GOLIM4: variants seen among roughly 807,000 people sequenced by gnomAD.
GOLIM4 encodes the protein golgi integral membrane protein 4, also known as 130 kDa golgi-localized phosphoprotein.
In GOLIM4, 71 loss-of-function variants were observed where a neutral mutation model predicts 107.4. That is an observed-to-expected ratio of 0.66 (90% CI 0.55 to 0.81). The LOEUF (loss-of-function observed/expected upper bound fraction) is 0.81. GOLIM4 is among the 30% of genes least tolerant of loss of function. The probability of loss-of-function intolerance (pLI) is 0.00; values close to 1 mark genes in which losing one functional copy is unlikely to be tolerated. For missense variants in GOLIM4, 830 were observed against 826.1 expected (o/e 1.00, Z -0.06); for synonymous variants, 327 against 294.8 (o/e 1.11, Z -1.12).
intron 14 of GOLIM4, among the ~76,000 whole-genome samples, chr3:168,014,216 C>T (rs1248593507): frequency 9.3e-5 from 14 of 150,746 alleles, no homozygotes; most frequent in South Asian, 4.2e-4. Context: ...ATATCACCAC[C>T]GATCCCACAG....
chr3:168,027,059 T>C (rs1718030222), intron 12 of GOLIM4, among the ~76,000 whole-genome samples: 1 of 152,230 alleles, frequency 6.6e-6, no homozygotes, highest in South Asian at 2.1e-4. Flanking sequence ...AAACATTTGC[T>C]TGCTTCACTT....
chr3:168,093,813 A>C (rs1722024359), intron 1 of GOLIM4, among the ~76,000 whole-genome samples: 1 of 152,180 alleles, frequency 6.6e-6, no homozygotes, highest in East Asian at 1.9e-4. Context: ...TCTTTCTTCT[A>C]AGTTGGGAAG....
At chr3:168,036,694 C>A (rs1027765882) in intron 8 of GOLIM4, 142 bp downstream of exon 8, 1 of 613,400 alleles carries the variant, frequency 1.6e-6, no homozygotes, top group Non-Finnish European at 2.9e-6. Context: ...TGTTTTATCA[C>A]GCCCTACTGG....
In GOLIM4 at chr3:168,032,867, T is replaced by A. The variant is rs755681883; in HGVS notation, c.844-15A>T. ...TTTCGAGACACCTAGGCCAAGCACATCACTGGGAATGACACTCTTCCAATT... is the reference window on the plus strand; with the variant it reads ...TTTCGAGACACCTAGGCCAAGCACAACACTGGGAATGACACTCTTCCAATT... On this transcript the variant is annotated splice_polypyrimidine_tract_variant and intron_variant, in intron 8 of 15. Transcript: ENST00000470487. The A allele has an allele frequency of 3.8e-6, 6 of 1,573,438 alleles. No homozygotes were observed. The African/African-American group carries it at 6.8e-5, about 18-fold the overall frequency.
rs537441953 is a variant in GOLIM4 at position 168,073,128 on chromosome 3, A to G, written c.187+21971T>C. On this transcript the variant is annotated intron_variant, in intron 1 of 15. Transcript: ENST00000470487. ...ATAATAACTGCACTAACCCTAAAATATCAAGAAGGCATTCTACTGTGTAGC... is the reference window on the plus strand; with the variant it reads ...ATAATAACTGCACTAACCCTAAAATGTCAAGAAGGCATTCTACTGTGTAGC... 2.6e-5 allele frequency among the ~76,000 whole-genome samples: 4 copies of G among 152,344 alleles called. No individual in the cohort carries two copies. The South Asian group carries it at 8.3e-4, about 32-fold the overall frequency.
chr3:168,023,143 A>G (rs1717806882), intron 14 of GOLIM4, among the ~76,000 whole-genome samples: 1 of 152,202 alleles, frequency 6.6e-6, no homozygotes, highest in African/African-American at 2.4e-5. Flanking sequence ...AAAAGAAGCC[A>G]AGGTGAACTT....
At chr3:168,015,338 G>T (rs1717301545) in intron 14 of GOLIM4, among the ~76,000 whole-genome samples, 1 of 148,566 alleles carries the variant, frequency 6.7e-6, no homozygotes. Flanking sequence ...TACAAGGGAT[G>T]TGAAGGACCT....
intron 12 of GOLIM4, among the ~76,000 whole-genome samples, chr3:168,027,056 T>C (rs1429113647): frequency 6.6e-6 from 1 of 152,240 alleles, no homozygotes; most frequent in South Asian, 2.1e-4. Context: ...ACTAAACATT[T>C]GCTTGCTTCA....
intron 1 of GOLIM4, among the ~76,000 whole-genome samples, chr3:168,084,808 T>C (rs1371438704): frequency 6.6e-6 from 1 of 152,152 alleles, no homozygotes; most frequent in African/African-American, 2.4e-5. Context: ...ACATAGAATT[T>C]TGGAATTTAA....
intron 1 of GOLIM4, among the ~76,000 whole-genome samples, chr3:168,072,095 AC>A (rs1720862984): frequency 1.3e-5 from 2 of 152,188 alleles, no homozygotes; most frequent in African/African-American, 4.8e-5. Context: ...AACGTGGATC[AC>A]GCCCCAAATT....
chr3:168,033,383 A>G (rs946495548), intron 8 of GOLIM4, among the ~76,000 whole-genome samples: 2 of 151,992 alleles, frequency 1.3e-5, no homozygotes, highest in Non-Finnish European at 2.9e-5. Flanking sequence ...AGGCGGGTGG[A>G]TCACGAGGTC....
At chr3:168,075,088 C>G (rs1467963125) in intron 1 of GOLIM4, among the ~76,000 whole-genome samples, 1 of 151,658 alleles carries the variant, frequency 6.6e-6, no homozygotes, top group Non-Finnish European at 1.5e-5. Context: ...TTGATGCCAA[C>G]CAGACTGTTA....
In GOLIM4 at chr3:168,023,594, A is replaced by T. The variant is rs140069342; in HGVS notation, c.1860+932T>A. On this transcript the variant is annotated intron_variant, in intron 14 of 15. Transcript: ENST00000470487. ...ATGGGGTGTGTCTGTTCAGTCTGCC[A>T]TATGTCCATCCTCCCATGGGGTTCC... Among the ~76,000 whole-genome samples the T allele has an allele frequency of 1.4e-3, 220 of 152,342 alleles. No homozygotes were observed. In the East Asian group the frequency reaches 0.018, roughly 12 times the overall value.
intron 1 of GOLIM4, among the ~76,000 whole-genome samples, chr3:168,055,167 G>A (rs1433357035): frequency 2.0e-5 from 3 of 152,096 alleles, no homozygotes; most frequent in African/African-American, 7.2e-5. Flanking sequence ...CAAAAATGTA[G>A]AAATGACTTT....
chr3:168,068,913 C>T (rs1055494640), intron 1 of GOLIM4, among the ~76,000 whole-genome samples: 2 of 151,548 alleles, frequency 1.3e-5, no homozygotes, highest in African/African-American at 2.4e-5. Flanking sequence ...CTCGGCTCAC[C>T]GCAACCTCTA....
At chr3:168,028,417 A>G (rs185817460) in intron 11 of GOLIM4, among the ~76,000 whole-genome samples, 1 of 152,354 alleles carries the variant, frequency 6.6e-6, no homozygotes, top group East Asian at 1.9e-4. Context: ...GAATTGTATG[A>G]GCACAAAAAG....
chr3:168,010,872 T>A lies in GOLIM4; in HGVS notation c.1861-49A>T, dbSNP rs1716971609. 3 of 1,205,270 alleles carry A rather than the reference T, an allele frequency of 2.5e-6. No homozygotes were observed. The East Asian group carries it at 7.0e-5, about 28-fold the overall frequency. The allele number at this position is 1,205,270 out of a possible 1,614,324, so 74.7% of individuals were successfully genotyped here. ...TTAAACACTTTTGTCTTTCAAGCAC[T>A]TGCGATAATATATTTTGACACTGTT... is the stretch of plus-strand genomic sequence containing the variant. On this transcript the variant is annotated intron_variant, in intron 14 of 15. Transcript: ENST00000470487.
chr3:168,059,073 A>T (rs1289587718), intron 1 of GOLIM4, among the ~76,000 whole-genome samples: 4 of 152,184 alleles, frequency 2.6e-5, no homozygotes, highest in African/African-American at 9.7e-5. Context: ...AATATGCAAA[A>T]GCACACTGCT....
intron 1 of GOLIM4, 51 bp from the exon 2 acceptor site, chr3:168,048,416 T>A (rs538969763): frequency 8.7e-6 from 7 of 801,350 alleles, no homozygotes; most frequent in Non-Finnish European, 1.4e-5. Flanking sequence ...AATTTAAAAC[T>A]AAAATTAACA....
Sources: gnomAD v4.1 joint callset for allele counts (sites outside exome capture counted in the v4.1 genomes callset) on GRCh38, gnomAD v4.1.1 for gene constraint, MANE v1.5 for transcripts, NCBI Gene and HGNC (gene_info 2026-07-23, HGNC 2026-07-21) for gene names.